KIF16B: variants seen among roughly 807,000 people sequenced by gnomAD.
KIF16B encodes kinesin family member 16B.
Under a neutral mutation model 156.3 loss-of-function variants are expected in KIF16B, and 98 were observed. The ratio of observed to expected loss-of-function variants is 0.63; its 90% CI spans 0.53 to 0.74. The LOEUF is 0.74. Ranked by LOEUF, KIF16B falls within the 30% of genes least tolerant of loss-of-function variation. The pLI, the probability that KIF16B is intolerant of heterozygous loss-of-function variation, is 0.00. For synonymous variants in KIF16B, 564 were observed against 583.7 expected (o/e 0.97, Z 0.49); for missense variants, 1,421 against 1,606.5 (o/e 0.88, Z 1.97).
At chr20:16,477,804 C>T (rs1006275121) in intron 12 of KIF16B, among the ~76,000 whole-genome samples, 1 of 151,988 alleles carries the variant, frequency 6.6e-6, no homozygotes, top group South Asian at 2.1e-4. Context: ...TTTGACCTGG[C>T]TGAAGAGAAA....
At chr20:16,333,935 A>C (rs2122931732) in intron 24 of KIF16B, among the ~76,000 whole-genome samples, 1 of 152,270 alleles carries the variant, frequency 6.6e-6, no homozygotes. Flanking sequence ...CTCACTTTAA[A>C]TGGTAACTGC....
At chr20:16,487,876 C>A (rs2068168566) in intron 12 of KIF16B, among the ~76,000 whole-genome samples, 1 of 152,138 alleles carries the variant, frequency 6.6e-6, no homozygotes, top group Admixed American at 6.6e-5. Context: ...TATGCTCCAT[C>A]CTCCAAATTC....
chr20:16,525,315 T>C (rs754234772), intron 3 of KIF16B, among the ~76,000 whole-genome samples: 50 of 152,312 alleles, frequency 3.3e-4, no homozygotes, highest in South Asian at 4.1e-4. Flanking sequence ...AGCAATGTTA[T>C]CTAAAGAAGC....
intron 24 of KIF16B, among the ~76,000 whole-genome samples, chr20:16,318,387 C>T (rs770883054): frequency 5.9e-5 from 9 of 152,032 alleles, no homozygotes; most frequent in Admixed American, 1.3e-4. Flanking sequence ...ATAATACACA[C>T]ATTGAAAGAA....
chr20:16,523,031 T>G (rs1260315147), intron 3 of KIF16B, among the ~76,000 whole-genome samples: 1 of 152,136 alleles, frequency 6.6e-6, no homozygotes, highest in Non-Finnish European at 1.5e-5. Context: ...ATGGAAGGTA[T>G]CTCAAAATAA....
intron 25 of KIF16B, among the ~76,000 whole-genome samples, chr20:16,307,013 A>C (rs1197399833): frequency 6.6e-6 from 1 of 152,200 alleles, no homozygotes; most frequent in African/African-American, 2.4e-5. Context: ...ACTCTTAGCT[A>C]TCACATTTCT....
chr20:16,389,039 A>G (rs1469827259), intron 17 of KIF16B, among the ~76,000 whole-genome samples: 3 of 152,122 alleles, frequency 2.0e-5, no homozygotes, highest in Non-Finnish European at 4.4e-5. Flanking sequence ...CTGGCAACAG[A>G]GGCGGTCTCC....
intron 1 of KIF16B, among the ~76,000 whole-genome samples, chr20:16,570,569 G>A (rs138499994): frequency 1.4e-4 from 21 of 152,154 alleles, no homozygotes; most frequent in Non-Finnish European, 2.5e-4. Context: ...TATAAATTAG[G>A]TCAAGTATAT....
chr20:16,546,326 C>G (rs1435187649), intron 1 of KIF16B, among the ~76,000 whole-genome samples: 1 of 152,196 alleles, frequency 6.6e-6, no homozygotes, highest in African/African-American at 2.4e-5. Context: ...TAGAAGAAAA[C>G]AGACAATATA....
Position 16,427,211 on chromosome 20 carries a change from T to C in KIF16B, c.1505A>G (p.His502Arg). The C allele has an allele frequency of 6.2e-7, 1 of 1,612,800 alleles. No homozygotes were observed. The highest frequency in any genetic ancestry group is 8.5e-7 in the Non-Finnish European group (1 of 1,179,266). The change falls in exon 15 of 26, where the codon CAT becomes CGT. Residue 502 changes from histidine (H) to arginine (R), a missense_variant. His to Arg is a conservative substitution (Grantham distance 29). Coordinates refer to ENST00000354981, the MANE Select transcript of KIF16B (RefSeq NM_024704.5). ...VLHGLDLESE[H>R]CIFENIGGTV... Reference sequence around the variant, plus strand: ...CCCCCCGATATTTTCAAAGATGCAATGCTCACTCTCCAAGTCAAGGCCATG... The same window carrying C: ...CCCCCCGATATTTTCAAAGATGCAACGCTCACTCTCCAAGTCAAGGCCATG...
chr20:16,352,688 T>A (rs774233533), intron 23 of KIF16B, among the ~76,000 whole-genome samples: 3 of 152,178 alleles, frequency 2.0e-5, no homozygotes, highest in Non-Finnish European at 4.4e-5. Flanking sequence ...CAATGACTAA[T>A]GAGTCCTACC....
At chr20:16,369,162 G>A (rs1344783596) in intron 22 of KIF16B, 143 of 985,682 alleles carry the variant, frequency 1.5e-4, no homozygotes, top group South Asian at 1.9e-4. Context: ...CCCAGTGGTC[G>A]TTCTGATCCA....
chr20:16,539,685 T>C (rs2147222488), intron 1 of KIF16B, among the ~76,000 whole-genome samples: 1 of 152,348 alleles, frequency 6.6e-6, no homozygotes, highest in Non-Finnish European at 1.5e-5. Context: ...TGCAGAACCA[T>C]GAGCCAATTA....
chr20:16,462,386 ACTG>A (rs1328818167), intron 12 of KIF16B, among the ~76,000 whole-genome samples: 1 of 152,190 alleles, frequency 6.6e-6, no homozygotes, highest in Non-Finnish European at 1.5e-5. Flanking sequence ...GAAAGACTTA[ACTG>A]CTACCCATGC....
chr20:16,410,153 A>ATATATATATGTAGG (rs1445684059), intron 15 of KIF16B, among the ~76,000 whole-genome samples: 2 of 142,242 alleles, frequency 1.4e-5, no homozygotes, highest in African/African-American at 5.2e-5. Context: ...GTAGGTACAT[A>ATATATATATGTAGG]TACATATATG....
At chr20:16,499,136 T>C (rs1238118360) in intron 10 of KIF16B, among the ~76,000 whole-genome samples, 1 of 152,096 alleles carries the variant, frequency 6.6e-6, no homozygotes, top group Non-Finnish European at 1.5e-5. Flanking sequence ...GAGATTCACA[T>C]AGGCGTCTGT....
At chr20:16,411,813 T>C (rs769105141) in intron 15 of KIF16B, among the ~76,000 whole-genome samples, 14 of 151,956 alleles carry the variant, frequency 9.2e-5, no homozygotes. Context: ...GTGGTGGACC[T>C]AAGTTTTGAT....
intron 12 of KIF16B, among the ~76,000 whole-genome samples, chr20:16,464,128 C>A (rs1405467315): frequency 1.3e-5 from 2 of 152,074 alleles, no homozygotes; most frequent in Non-Finnish European, 1.5e-5. Flanking sequence ...AGGTACAATA[C>A]TTATGTTGCT....
intron 12 of KIF16B, among the ~76,000 whole-genome samples, chr20:16,454,564 TG>T (rs2067166339): frequency 1.3e-5 from 2 of 152,024 alleles, no homozygotes; most frequent in Admixed American, 1.3e-4. Context: ...TTGATTTATT[TG>T]AAAGCTGTTT....
Sources: allele counts gnomAD v4.1 joint callset (sites outside exome capture counted in the v4.1 genomes callset), GRCh38; gene constraint gnomAD v4.1.1; transcripts MANE v1.5; gene names NCBI Gene and HGNC (gene_info 2026-07-23, HGNC 2026-07-21).